MEI1: variants seen among roughly 807,000 people sequenced by gnomAD.
MEI1 encodes the protein meiosis inhibitor protein 1.
MEI1 carries 103 observed loss-of-function variants against 146.2 expected under a neutral mutation model. The ratio of observed to expected loss-of-function variants is 0.70; its 90% CI spans 0.60 to 0.83. The LOEUF is 0.83. Among genes scored for constraint, MEI1 ranks in the 40% least tolerant of loss-of-function variants. The pLI, the probability that MEI1 is intolerant of heterozygous loss-of-function variation, is 0.00. For synonymous variants in MEI1, 652 were observed against 628.2 expected (o/e 1.04, Z -0.57); for missense variants, 1,529 against 1,533.0 (o/e 1.00, Z 0.04).
At chr22:41,786,498 CCTCA>C (rs1214486622) in intron 26 of MEI1, among the ~76,000 whole-genome samples, 1 of 152,206 alleles carries the variant, frequency 6.6e-6, no homozygotes, top group African/African-American at 2.4e-5. Flanking sequence ...GCTTTGCATT[CCTCA>C]CTGTCAGCTT....
chr22:41,752,521 C>T (rs567921444), intron 15 of MEI1, 70 bp from the exon 16 acceptor site: 1 of 1,380,550 alleles, frequency 7.2e-7, no homozygotes, highest in Non-Finnish European at 1.0e-6. Flanking sequence ...TTTGATACCA[C>T]CCAGGCTTGG....
intron 11 of MEI1, among the ~76,000 whole-genome samples, chr22:41,737,040 T>C (rs538267600): frequency 6.6e-6 from 1 of 152,316 alleles, no homozygotes; most frequent in Non-Finnish European, 1.5e-5. Context: ...TGTTCATTCC[T>C]CTGATCTGCT....
At chr22:41,724,207 C>A in intron 7 of MEI1, 134 bp downstream of exon 7, 1 of 1,147,198 alleles carries the variant, frequency 8.7e-7, no homozygotes, top group Non-Finnish European at 1.2e-6. Flanking sequence ...AATATACTGG[C>A]TGGGGGCGGT....
chr22:41,751,404 G>A (rs1281632194), intron 15 of MEI1, among the ~76,000 whole-genome samples: 1 of 152,184 alleles, frequency 6.6e-6, no homozygotes, highest in African/African-American at 2.4e-5. Context: ...GCAGAACAGA[G>A]GTTAGTATTG....
intron 2 of MEI1, among the ~76,000 whole-genome samples, chr22:41,704,871 C>T (rs567912136): frequency 7.7e-4 from 117 of 152,140 alleles, no homozygotes; most frequent in African/African-American, 2.5e-3. Flanking sequence ...CCCGTCACCA[C>T]GCCTGGCTAA....
chr22:41,751,861 A>G (rs1426025554), intron 15 of MEI1, among the ~76,000 whole-genome samples: 1 of 151,804 alleles, frequency 6.6e-6, no homozygotes, highest in Non-Finnish European at 1.5e-5. Context: ...CATGAGGTCA[A>G]GAGATCAAGA....
intron 3 of MEI1, among the ~76,000 whole-genome samples, chr22:41,706,212 A>G: frequency 6.6e-6 from 1 of 151,982 alleles, no homozygotes. Flanking sequence ...TGAGACAGGG[A>G]CTTACCATAT....
At chr22:41,756,124 C>G (rs2074075685) in intron 17 of MEI1, among the ~76,000 whole-genome samples, 1 of 152,060 alleles carries the variant, frequency 6.6e-6, no homozygotes, top group Admixed American at 6.6e-5. Flanking sequence ...ATAAAGTTGA[C>G]TTTATTTAGG....
intron 11 of MEI1, among the ~76,000 whole-genome samples, chr22:41,733,390 G>A (rs981270683): frequency 6.6e-6 from 1 of 151,992 alleles, no homozygotes. Context: ...CAGAGGTTGC[G>A]GTGAGCTGAG....
intron 24 of MEI1, among the ~76,000 whole-genome samples, chr22:41,782,561 A>G (rs1329536263): frequency 6.6e-6 from 1 of 152,182 alleles, no homozygotes; most frequent in African/African-American, 2.4e-5. Context: ...ACCATCTGCT[A>G]GCCTCTGTGG....
chr22:41,732,422 T>G (rs1601805691), intron 10 of MEI1, 47 bp from the exon 11 acceptor site: 1 of 1,613,454 alleles, frequency 6.2e-7, no homozygotes, highest in South Asian at 1.1e-5. Flanking sequence ...CCTGGTGGGG[T>G]CAGTGAGAAG....
intron 11 of MEI1, among the ~76,000 whole-genome samples, chr22:41,742,241 CAG>C (rs1398847759): frequency 6.6e-6 from 1 of 152,182 alleles, no homozygotes; most frequent in Non-Finnish European, 1.5e-5. Flanking sequence ...GCCTGGGTGA[CAG>C]AGTGAGACTC....
chr22:41,712,672 A>ATTG (rs1555920399), intron 3 of MEI1, among the ~76,000 whole-genome samples: 1 of 147,004 alleles, frequency 6.8e-6, no homozygotes, highest in Non-Finnish European at 1.5e-5. Context: ...ATAGAAATAG[A>ATTG]TGTGTGTGTG....
chr22:41,762,196 C>T (rs954982894), intron 18 of MEI1, among the ~76,000 whole-genome samples: 2 of 152,138 alleles, frequency 1.3e-5, no homozygotes, highest in Non-Finnish European at 2.9e-5. Context: ...CAGGCGTGAG[C>T]CACTGCACCT....
Position 41,795,656 on chromosome 22 carries a change from A to C in MEI1, c.3667-79A>C, listed in dbSNP as rs2076333276. Reference sequence around the variant, plus strand: ...AACCAAGGAATGGGAGGAGGGAAGTACAGAGGATGGAGGCAGTTAGGGCCT... The same window carrying C: ...AACCAAGGAATGGGAGGAGGGAAGTCCAGAGGATGGAGGCAGTTAGGGCCT... On this transcript the variant is annotated intron_variant, in intron 29 of 30. Coordinates refer to ENST00000401548, the MANE Select transcript of MEI1 (RefSeq NM_152513.4). The surrounding 1 kb of genome is among the most constrained non-coding windows in gnomAD (Gnocchi z 4.2). 1 of 1,590,132 alleles carries C rather than the reference A, an allele frequency of 6.3e-7. No homozygotes were observed. The highest frequency in any genetic ancestry group is 1.3e-5 in the African/African-American group (1 of 74,496).
intron 5 of MEI1, among the ~76,000 whole-genome samples, chr22:41,716,815 G>A (rs1017963356): frequency 3.3e-5 from 5 of 151,102 alleles, no homozygotes; most frequent in East Asian, 1.9e-4. Context: ...TCAGCCTCCC[G>A]AGTAGCTTGG....
At chr22:41,773,288 G>T (rs1011529406) in intron 20 of MEI1, among the ~76,000 whole-genome samples, 2 of 152,164 alleles carry the variant, frequency 1.3e-5, no homozygotes, top group Non-Finnish European at 2.9e-5. Flanking sequence ...AGAGGACTAG[G>T]AAGATAGAGG....
At chr22:41,776,994 T>C (rs2075473929) in intron 21 of MEI1, among the ~76,000 whole-genome samples, 2 of 151,580 alleles carry the variant, frequency 1.3e-5, no homozygotes, top group Non-Finnish European at 2.9e-5. Flanking sequence ...TTTTTGTATT[T>C]TCAGGAGAGA....
intron 11 of MEI1, among the ~76,000 whole-genome samples, chr22:41,740,159 AC>A (rs1387460502): frequency 1.3e-5 from 2 of 151,906 alleles, no homozygotes; most frequent in Non-Finnish European, 2.9e-5. Context: ...AGCTGGGACT[AC>A]AGGTGCCCGC....
Sources: gnomAD v4.1 joint callset for allele counts (sites outside exome capture counted in the v4.1 genomes callset) on GRCh38, gnomAD v4.1.1 for gene constraint, Gnocchi (gnomAD v3.1) non-coding constraint, MANE v1.5 for transcripts, NCBI Gene and HGNC (gene_info 2026-07-23, HGNC 2026-07-21) for gene names.